Variants in CD96 observed in about 807,000 individuals in gnomAD.
The protein encoded by CD96 is CD96 molecule.
A neutral mutation model predicts 71.3 loss-of-function variants in CD96; 70 were observed. That is an observed-to-expected ratio of 0.98 (90% CI 0.81 to 1.20). The LOEUF is 1.20. Ranked by LOEUF, CD96 falls within the 50% of genes most tolerant of loss-of-function variation. The pLI is 0.00. For synonymous variants in CD96, 248 were observed against 233.0 expected, an observed-to-expected ratio of 1.06 and a Z score of -0.59; for missense variants, 742 against 677.5, an observed-to-expected ratio of 1.10 and a Z score of -1.06.
At chr3:111,620,221 C>T (rs1938453068) in intron 8 of CD96, among the ~76,000 whole-genome samples, 1 of 152,204 alleles carries the variant, frequency 6.6e-6, no homozygotes, top group Non-Finnish European at 1.5e-5. Flanking sequence ...TTTGAATTGG[C>T]TTATGTGATC....
intron 2 of CD96, among the ~76,000 whole-genome samples, chr3:111,564,594 G>C (rs7619498): frequency 0.083 from 12,544 of 151,944 alleles, 573 homozygotes; most frequent in African/African-American, 0.11. Context: ...ATTTCTTTTA[G>C]CTCATTTTGA....
intron 8 of CD96, among the ~76,000 whole-genome samples, chr3:111,623,511 AG>A (rs1938604765): frequency 6.6e-6 from 1 of 152,218 alleles, no homozygotes. Flanking sequence ...ATATTTTGAA[AG>A]TATGAATATA....
Position 111,660,415 on chromosome 3 carries a change from A to G in CD96, c.*53-5112A>G, listed in dbSNP as rs76043987. ...GCCATGCTCATAGATTGGAATAATCAATATTTTTTAAATGGCCATACTAGC... is the reference window on the plus strand; with the variant it reads ...GCCATGCTCATAGATTGGAATAATCGATATTTTTTAAATGGCCATACTAGC... On this transcript the variant is annotated intron_variant and NMD_transcript_variant, in intron 14 of 14. Coordinates refer to the CD96 transcript ENST00000494798. 7.4e-3 allele frequency among the ~76,000 whole-genome samples: 1,135 copies of G among 152,372 alleles called. 17 individuals carry two copies. Among genetic ancestry groups the G allele is most frequent in the African/African-American group, 0.026 (1,092 of 41,590 alleles).
At chr3:111,544,961 A>G in intron 1 of CD96, 85 bp from the exon 2 acceptor site, 1 of 1,140,820 alleles carries the variant, frequency 8.8e-7, no homozygotes, top group Admixed American at 1.7e-5. Flanking sequence ...TGCTCCCCTC[A>G]CCTTACTGAA....
At chr3:111,560,239 G>C (rs897871444) in intron 2 of CD96, among the ~76,000 whole-genome samples, 1 of 151,864 alleles carries the variant, frequency 6.6e-6, no homozygotes, top group African/African-American at 2.4e-5. Flanking sequence ...GTGTGAATTT[G>C]ATCCTGTCAT....
At chr3:111,664,202 G>A (rs900580396) in intron 14 of CD96, among the ~76,000 whole-genome samples, 25 of 1,928 alleles carry the variant, frequency 0.013, no homozygotes, top group Non-Finnish European at 0.03. Context: ...CCAAAAAGAC[G>A]TGCAAATGTA....
At chr3:111,624,582 C>G (rs1002229588) in intron 10 of CD96, among the ~76,000 whole-genome samples, 178 bp downstream of exon 10, 2 of 152,128 alleles carry the variant, frequency 1.3e-5, no homozygotes, top group Non-Finnish European at 2.9e-5. Context: ...CAAAAGAGAT[C>G]TAAGCTCCAA....
At chr3:111,601,410 G>A (rs1033289349) in intron 7 of CD96, among the ~76,000 whole-genome samples, 11 of 152,092 alleles carry the variant, frequency 7.2e-5, no homozygotes, top group Admixed American at 2.0e-4. Flanking sequence ...GTATCCCTAG[G>A]TTCAAGCACT....
intron 13 of CD96, among the ~76,000 whole-genome samples, chr3:111,648,257 C>CT (rs1380475095): frequency 6.6e-6 from 1 of 152,202 alleles, no homozygotes; most frequent in Non-Finnish European, 1.5e-5. Flanking sequence ...ATTTTTCTGA[C>CT]TTGCTATTTT....
chr3:111,655,558 C>T (rs1940208999), downstream of CD96, among the ~76,000 whole-genome samples: 1 of 152,134 alleles, frequency 6.6e-6, no homozygotes. Flanking sequence ...GGCAAGGCCA[C>T]TGCAGTAGAG....
chr3:111,582,710 C>G (rs1300857176), intron 4 of CD96, among the ~76,000 whole-genome samples: 2 of 152,072 alleles, frequency 1.3e-5, no homozygotes, highest in Non-Finnish European at 2.9e-5. Flanking sequence ...ATGGCAGCAG[C>G]AACAGAAAAA....
In CD96 at chr3:111,636,551, G is replaced by A. The variant is rs367570987; in HGVS notation, c.1322-645G>A. Among the ~76,000 whole-genome samples, 110 of 152,204 alleles carry A rather than the reference G, an allele frequency of 7.2e-4. 2 individuals carry two copies. The South Asian group carries it at 0.022, about 31-fold the overall frequency. On this transcript the variant is annotated intron_variant, in intron 10 of 13. Coordinates refer to ENST00000352690, the MANE Select transcript of CD96 (RefSeq NM_005816.5). ...AGTGACTCTTTCTTGCCAGAGATGG[G>A]GCAATAAACAAAATGAGTTGTTAGA...
rs145133367 is a variant in CD96, at chr3:111,545,161, C to T, written c.177C>T (p.Ser59=). Reference sequence around the variant, plus strand: ...GCTTCTTCGTGCAGATGCAATGGTCCAAGGTCACCAATAAGATAGACCTGA... The same window carrying T: ...GCTTCTTCGTGCAGATGCAATGGTCTAAGGTCACCAATAAGATAGACCTGA... ...TVGFFVQMQW[S]KVTNKIDLIA... Residue 59 remains serine, a synonymous_variant, in exon 2 of 14, where the codon TCC becomes TCT. Transcript: ENST00000352690. 3 of 1,614,052 alleles carry T rather than the reference C, an allele frequency of 1.9e-6. No individual in the cohort carries two copies. Among genetic ancestry groups the T allele is most frequent in the African/African-American group, 2.7e-5 (2 of 74,928 alleles).
rs751441664 is a variant in CD96 at position 111,542,224 on chromosome 3, G to C, written c.-25G>C. 5 of 1,603,698 alleles carry C rather than the reference G, an allele frequency of 3.1e-6. No individual in the cohort carries two copies. Among genetic ancestry groups the C allele is most frequent in the Non-Finnish European group, 4.3e-6 (5 of 1,170,600 alleles). On this transcript the variant is annotated 5_prime_UTR_variant, in exon 1 of 14. An upstream start codon of the reference 5' UTR is lost. Coordinates refer to ENST00000352690, the MANE Select transcript of CD96 (RefSeq NM_005816.5). ...TTGACTTTGTGATCATTACAGAAAT[G>C]CTGGTGTAAGGTGTTCAGAAGACAA...
chr3:111,567,403 A>C (rs1306993771), intron 2 of CD96, 120 bp from the exon 3 acceptor site: 1 of 770,472 alleles, frequency 1.3e-6, no homozygotes, highest in Non-Finnish European at 2.2e-6. Flanking sequence ...TCTCTTTTTC[A>C]TAGGTGTACC....
At chr3:111,611,439 T>A (rs1258048710) in intron 8 of CD96, among the ~76,000 whole-genome samples, 1 of 152,182 alleles carries the variant, frequency 6.6e-6, no homozygotes, top group Admixed American at 6.5e-5. Flanking sequence ...AATTCGGCAG[T>A]TGATAGGGGC....
chr3:111,657,621 T>C (rs770191692), intron 14 of CD96, among the ~76,000 whole-genome samples: 1 of 152,094 alleles, frequency 6.6e-6, no homozygotes, highest in Non-Finnish European at 1.5e-5. Context: ...TATTATAAGA[T>C]TATGTAAATG....
At chr3:111,644,921 A>T (rs1559776358) in intron 12 of CD96, among the ~76,000 whole-genome samples, 2 of 152,214 alleles carry the variant, frequency 1.3e-5, no homozygotes, top group African/African-American at 2.4e-5. Flanking sequence ...TGGGAATGTA[A>T]ACTAGTACAG....
At chr3:111,600,293 C>G (rs978856071) in intron 6 of CD96, among the ~76,000 whole-genome samples, 8 of 152,202 alleles carry the variant, frequency 5.3e-5, no homozygotes, top group African/African-American at 1.9e-4. Context: ...AAACGGAGTC[C>G]CAACTGAGAT....
Sources: allele counts gnomAD v4.1 joint callset (sites outside exome capture counted in the v4.1 genomes callset), GRCh38; gene constraint gnomAD v4.1.1; transcripts MANE v1.5; gene names NCBI Gene and HGNC (gene_info 2026-07-23, HGNC 2026-07-21).